The following NAA60 variants were observed in gnomAD, a reference collection of about 807,000 sequenced individuals.
NAA60 encodes the protein N-alpha-acetyltransferase 60, NatF catalytic subunit.
Under a neutral mutation model 26.1 loss-of-function variants are expected in NAA60, and 8 were observed. The observed-to-expected ratio is 0.31, with a 90% CI of 0.18 to 0.55. The LOEUF (loss-of-function observed/expected upper bound fraction) is 0.55. NAA60 is among the 20% of genes least tolerant of loss of function. The probability of loss-of-function intolerance (pLI) is 0.93; values close to 1 mark genes in which losing one functional copy is unlikely to be tolerated. For synonymous variants in NAA60, 131 were observed against 122.5 expected (o/e 1.07, Z -0.46); for missense variants, 290 against 311.3 (o/e 0.93, Z 0.51).
chr16:3,450,208 T>C (rs2034721273), intron 2 of NAA60: 1 of 348,210 alleles, frequency 2.9e-6, no homozygotes, highest in Non-Finnish European at 5.2e-6. Context: ...TCATGGAGCT[T>C]TTCTGCTCTT....
At position 3,443,735 on chromosome 16, in the gene NAA60, GTAGAGTCT is replaced by G. The variant is rs1567356486; in HGVS notation, c.-175_-168del. 28 of 1,496,344 alleles carry G rather than the reference GTAGAGTCT, an allele frequency of 1.9e-5. No homozygotes were observed. Among genetic ancestry groups the G allele is most frequent in the Non-Finnish European group, 8.9e-7 (1 of 1,126,368 alleles). The allele number at this position is 1,496,344 out of a possible 1,614,324, so 92.7% of individuals were successfully genotyped here. A position where few individuals can be genotyped will look rare whatever the true frequency, so the allele number is the denominator to read the frequency against. ...GCTCCGGGCCTGTTTGCCTGCTGAA[GTAGAGTCT>G]TAGGGTGACCCCAGGGGGACGTAAT... On this transcript the variant is annotated 5_prime_UTR_variant, in exon 1 of 8. Transcript: ENST00000407558.
intron 1 of NAA60, 110 bp downstream of exon 1, chr16:3,443,947 G>C: frequency 7.1e-7 from 1 of 1,402,252 alleles, no homozygotes; most frequent in African/African-American, 1.5e-5. Context: ...TGTCCTTTGT[G>C]TCTTGAGCGG....
intron 2 of NAA60, among the ~76,000 whole-genome samples, chr16:3,460,216 A>G (rs915662837): frequency 1.3e-5 from 2 of 152,176 alleles, no homozygotes; most frequent in African/African-American, 4.8e-5. Context: ...CTCTCACTTG[A>G]ATAGAAAGCT....
chr16:3,474,864 C>T (rs11861539), intron 2 of NAA60, among the ~76,000 whole-genome samples: 2,632 of 152,330 alleles, frequency 0.017, 68 homozygotes, highest in African/African-American at 0.057. Flanking sequence ...AAAGAACTTT[C>T]CTCAACGCTG....
chr16:3,460,686 T>A (rs915316065), intron 2 of NAA60, among the ~76,000 whole-genome samples: 3 of 152,200 alleles, frequency 2.0e-5, no homozygotes, highest in African/African-American at 4.8e-5. Context: ...CTTTTACACC[T>A]CTTTTCCTGG....
intron 4 of NAA60, 62 bp downstream of exon 4, chr16:3,479,662 T>TG: frequency 6.3e-7 from 1 of 1,577,532 alleles, no homozygotes; most frequent in South Asian, 1.1e-5. Flanking sequence ...CAAGGGGGCT[T>TG]GCGATGGAAT....
intron 1 of NAA60, among the ~76,000 whole-genome samples, chr16:3,444,794 T>C (rs1056444346): frequency 1.3e-5 from 2 of 152,128 alleles, no homozygotes; most frequent in African/African-American, 4.8e-5. Context: ...CCAGGTAAAA[T>C]ATACAGACAT....
intron 1 of NAA60, 127 bp from the exon 2 acceptor site, chr16:3,448,344 T>TC: frequency 1.6e-6 from 1 of 637,812 alleles, no homozygotes; most frequent in South Asian, 2.2e-5. Flanking sequence ...AGTTAATTTT[T>TC]CCCCAAAAGG....
chr16:3,473,707 T>TTGTTG (rs2036294020), intron 2 of NAA60, among the ~76,000 whole-genome samples: 1 of 145,816 alleles, frequency 6.9e-6, no homozygotes, highest in African/African-American at 2.7e-5. Flanking sequence ...GCCCCAGCTT[T>TTGTTG]TTGTTGTTGT....
At chr16:3,464,140 T>A (rs2035591856) in intron 2 of NAA60, among the ~76,000 whole-genome samples, 1 of 152,110 alleles carries the variant, frequency 6.6e-6, no homozygotes, top group South Asian at 2.1e-4. Context: ...TTCAAACGAT[T>A]CTCCTGCCTC....
chr16:3,443,742 C>G lies in NAA60; in HGVS notation c.-172C>G. On this transcript the variant is annotated 5_prime_UTR_variant, in exon 1 of 8. Coordinates refer to ENST00000407558, the MANE Select transcript of NAA60 (RefSeq NM_001083601.3). ...GCCTGTTTGCCTGCTGAAGTAGAGT[C>G]TTAGGGTGACCCCAGGGGGACGTAA... 1 of 1,528,580 alleles carries G rather than the reference C, an allele frequency of 6.5e-7. No individual in the cohort carries two copies. The highest frequency in any genetic ancestry group is 8.7e-7 in the Non-Finnish European group (1 of 1,143,082). 94.7% of individuals were successfully genotyped at this position (1,528,580 alleles called of 1,614,324 possible).
rs74005811 is a variant in NAA60 at position 3,485,840 on chromosome 16, G to A, written c.*580G>A. 8,276 of 362,928 alleles carry A rather than the reference G, an allele frequency of 0.023. 631 individuals carry two copies. Among genetic ancestry groups the A allele is most frequent in the African/African-American group, 0.16 (7,564 of 46,906 alleles). 22.5% of individuals were successfully genotyped at this position (362,928 alleles called of 1,614,324 possible). ...GGGGCTGATGAGGGGTGGGCAGCCT[G>A]GGGGAGGCTTTCCTCGCAAGCACAG... On this transcript the variant is annotated 3_prime_UTR_variant, in exon 8 of 8. Coordinates refer to ENST00000407558, the MANE Select transcript of NAA60 (RefSeq NM_001083601.3).
At chr16:3,471,143 G>A (rs12445617) in intron 2 of NAA60, among the ~76,000 whole-genome samples, 9,337 of 152,210 alleles carry the variant, frequency 0.061, 380 homozygotes, top group Admixed American at 0.084. Flanking sequence ...TGAGAGATGC[G>A]AGCTTATTAC....
intron 2 of NAA60, among the ~76,000 whole-genome samples, chr16:3,451,271 C>G (rs1469981070): frequency 6.6e-6 from 1 of 152,208 alleles, no homozygotes; most frequent in Non-Finnish European, 1.5e-5. Flanking sequence ...AAATATAGTA[C>G]TTGTCCATGT....
chr16:3,478,476 G>A (rs569173410), intron 3 of NAA60, among the ~76,000 whole-genome samples: 1 of 152,294 alleles, frequency 6.6e-6, no homozygotes, highest in Admixed American at 6.5e-5. Context: ...ACCGGGCTGT[G>A]AGGCAGCAAA....
At chr16:3,471,701 C>T (rs967441510) in intron 2 of NAA60, among the ~76,000 whole-genome samples, 1 of 152,052 alleles carries the variant, frequency 6.6e-6, no homozygotes, top group Non-Finnish European at 1.5e-5. Context: ...CTGCCCTCTC[C>T]GGTGAGAGCT....
rs1269298109 is a variant in NAA60 at position 3,473,052 on chromosome 16, T to C, written c.-6-3170T>C. ...TGTTTTGTTTCGTTTCATTTCGTTT[T>C]TGAGTCAGAATCTCACCACGTCACC... On this transcript the variant is annotated intron_variant, in intron 2 of 7. Transcript: ENST00000407558. 2.0e-5 allele frequency among the ~76,000 whole-genome samples: 3 copies of C among 152,160 alleles called. No homozygotes were observed. In the East Asian group the frequency reaches 5.8e-4, roughly 29 times the overall value.
At chr16:3,457,831 G>A (rs1235367839) in intron 2 of NAA60, among the ~76,000 whole-genome samples, 20 of 152,226 alleles carry the variant, frequency 1.3e-4, no homozygotes, top group Admixed American at 1.3e-3. Context: ...ACCTCCCGGA[G>A]CGAGGGACAG....
At chr16:3,457,183 C>T (rs900026508) in intron 2 of NAA60, among the ~76,000 whole-genome samples, 5 of 152,158 alleles carry the variant, frequency 3.3e-5, no homozygotes, top group East Asian at 1.9e-4. Flanking sequence ...TGGTGGCTCA[C>T]GTCAGTAATC....
Sources: gnomAD v4.1 joint callset for allele counts (sites outside exome capture counted in the v4.1 genomes callset) on GRCh38, gnomAD v4.1.1 for gene constraint, MANE v1.5 for transcripts, NCBI Gene and HGNC (gene_info 2026-07-23, HGNC 2026-07-21) for gene names.